ZNF717: variants seen among roughly 807,000 people sequenced by gnomAD.
ZNF717 encodes krueppel-like factor X17.
ZNF717 carries 9 observed loss-of-function variants against 13.8 expected under a neutral mutation model. The observed-to-expected ratio is 0.65, with a 90% CI of 0.39 to 1.14. ZNF717 has a LOEUF of 1.14. Among genes scored for constraint, ZNF717 ranks in the 50% most tolerant of loss-of-function variants. The pLI is 0.01. For synonymous variants in ZNF717, 327 were observed against 364.1 expected, an observed-to-expected ratio of 0.90 and a Z score of 1.16; for missense variants, 1,040 against 1,080.7, an observed-to-expected ratio of 0.96 and a Z score of 0.53.
At chr3:75,746,833 G>A (rs370189446) in intron 2 of ZNF717, among the ~76,000 whole-genome samples, 1 of 151,970 alleles carries the variant, frequency 6.6e-6, no homozygotes, top group African/African-American at 2.4e-5. Flanking sequence ...TGTTCACTCT[G>A]ATGTCTTTTG....
At chr3:75,715,511 T>C (rs1469811020) in intron 5 of ZNF717, among the ~76,000 whole-genome samples, 4 of 152,244 alleles carry the variant, frequency 2.6e-5, no homozygotes, top group Admixed American at 6.5e-5. Context: ...TCTAGTTATT[T>C]TTCTCTTATA....
chr3:75,757,485 C>T (rs1942595121), intron 2 of ZNF717, among the ~76,000 whole-genome samples: 1 of 152,202 alleles, frequency 6.6e-6, no homozygotes, highest in Non-Finnish European at 1.5e-5. Context: ...CTGTTGACAC[C>T]TACTGCTCAA....
chr3:75,727,321 AAC>A (rs1309432909), downstream of ZNF717, among the ~76,000 whole-genome samples: 1 of 152,232 alleles, frequency 6.6e-6, no homozygotes, highest in African/African-American at 2.4e-5. Context: ...AGAACAGAAT[AAC>A]AGCGATTTTC....
chr3:75,759,885 A>G (rs555846254), intron 2 of ZNF717, among the ~76,000 whole-genome samples: 32 of 152,258 alleles, frequency 2.1e-4, no homozygotes, highest in Middle Eastern at 3.4e-3. Context: ...AAATATATAT[A>G]ATTAAAAATT....
intron 2 of ZNF717, among the ~76,000 whole-genome samples, chr3:75,742,961 TC>T (rs1176881759): frequency 2.0e-5 from 3 of 151,096 alleles, no homozygotes; most frequent in Admixed American, 1.3e-4. Context: ...ATCACAATAG[TC>T]CCATAAGATG....
At chr3:75,747,964 A>G (rs1941334338) in intron 2 of ZNF717, among the ~76,000 whole-genome samples, 1 of 152,208 alleles carries the variant, frequency 6.6e-6, no homozygotes, top group Admixed American at 6.5e-5. Context: ...ATAAAGAAGA[A>G]AAGAGAGAAG....
chr3:75,757,797 A>T (rs1474468868), intron 2 of ZNF717, among the ~76,000 whole-genome samples: 2 of 152,078 alleles, frequency 1.3e-5, no homozygotes, highest in East Asian at 1.9e-4. Context: ...ATGATTTAAT[A>T]AAGAAGATCA....
chr3:75,749,778 T>G (rs1436134916), intron 2 of ZNF717, among the ~76,000 whole-genome samples: 1 of 151,524 alleles, frequency 6.6e-6, no homozygotes, highest in Non-Finnish European at 1.5e-5. Flanking sequence ...GGAGTCTGAA[T>G]GTTGATACCT....
intron 5 of ZNF717, among the ~76,000 whole-genome samples, chr3:75,714,371 T>C (rs1375070399): frequency 2.6e-5 from 4 of 151,844 alleles, no homozygotes; most frequent in Non-Finnish European, 5.9e-5. Context: ...GCCCTTGTCT[T>C]CTGGTAACTT....
At chr3:75,781,774 T>A (rs1482721818) in intron 2 of ZNF717, among the ~76,000 whole-genome samples, 2 of 152,176 alleles carry the variant, frequency 1.3e-5, no homozygotes, top group African/African-American at 4.8e-5. Context: ...CCCAGCAATT[T>A]ACTCAGAGAT....
chr3:75,781,430 G>A (rs7433930), intron 2 of ZNF717, among the ~76,000 whole-genome samples: 49,385 of 152,030 alleles, frequency 0.32, 9,248 homozygotes, highest in Non-Finnish European at 0.43. Context: ...TTCATGAATC[G>A]TTTATTGCTC....
rs749929182 is a variant in ZNF717, at chr3:75,783,323, C to G, written c.40G>C (p.Glu14Gln). 153 of 1,551,184 alleles carry G rather than the reference C, an allele frequency of 9.9e-5. No homozygotes were observed. The highest frequency in any genetic ancestry group is 1.3e-4 in the Non-Finnish European group (144 of 1,146,586). The part of the protein sequence containing the change: ...VFSGCFQELQ[E>Q]KNKSLELVSF... ...CAACTCACCAGAGATTTATTCTTTT[C>G]TTGTAGCTCTTGGAAACAGCCAGAG... Residue 14 changes from glutamate (E) to glutamine (Q), a missense_variant, in exon 2 of 5, where the codon GAA becomes CAA. By Grantham distance (29) the Glu-to-Gln change is conservative. Coordinates refer to ENST00000652011, the MANE Select transcript of ZNF717 (RefSeq NM_001290208.3).
chr3:75,741,737 C>G lies in ZNF717; in HGVS notation c.58-1G>C, dbSNP rs756832778. 1.3e-6 allele frequency: 2 copies of G among 1,574,566 alleles called. No homozygotes were observed. The highest frequency in any genetic ancestry group is 3.9e-5 in the Admixed American group (2 of 51,408). On this transcript the variant is annotated splice_acceptor_variant, in intron 2 of 4. Coordinates refer to ENST00000652011, the MANE Select transcript of ZNF717 (RefSeq NM_001290208.3). LOFTEE classifies it high-confidence loss of function. ...CTACCTCCTCAAAGGACACCAACTC[C>G]TGTAATGATACCAGGCTGTTGTAGG...
intron 5 of ZNF717, among the ~76,000 whole-genome samples, chr3:75,711,980 AG>A (rs1937948100): frequency 1.3e-5 from 2 of 152,282 alleles, no homozygotes. Flanking sequence ...ACATCACATC[AG>A]GACAATCAGA....
At chr3:75,728,433 T>A (rs1938340247), downstream of ZNF717, among the ~76,000 whole-genome samples, 2 of 152,234 alleles carry the variant, frequency 1.3e-5, no homozygotes, top group African/African-American at 2.4e-5. Flanking sequence ...AATACAGTTT[T>A]CATGTAAGAC....
rs79442558 is a variant in ZNF717 at position 75,736,766 on chromosome 3, A to C, written c.*112T>G. 1 of 1,190,238 alleles carries C rather than the reference A, an allele frequency of 8.4e-7. No homozygotes were observed. The highest frequency in any genetic ancestry group is 1.7e-5 in the South Asian group (1 of 58,860). The allele number at this position is 1,190,238 out of a possible 1,614,324, so 73.7% of individuals were successfully genotyped here. ...TAGGACTTCTGTTACAGCATGGTTA[A>C]GACCTTCTTGTTGGTAGGCCAGGAG... is the stretch of plus-strand genomic sequence containing the variant. On this transcript the variant is annotated 3_prime_UTR_variant, in exon 5 of 5. Coordinates refer to ENST00000652011, the MANE Select transcript of ZNF717 (RefSeq NM_001290208.3).
At chr3:75,775,264 T>C (rs1944221923) in intron 2 of ZNF717, among the ~76,000 whole-genome samples, 1 of 152,240 alleles carries the variant, frequency 6.6e-6, no homozygotes, top group East Asian at 1.9e-4. Flanking sequence ...ACATCCACCC[T>C]AATTATGGTT....
intron 2 of ZNF717, among the ~76,000 whole-genome samples, chr3:75,759,681 G>A (rs1200086285): frequency 3.9e-5 from 6 of 152,170 alleles, no homozygotes; most frequent in Admixed American, 3.3e-4. Flanking sequence ...CAATTCTCCC[G>A]CCTCAGGCTC....
intron 2 of ZNF717, among the ~76,000 whole-genome samples, chr3:75,768,850 G>A (rs777155178): frequency 7.9e-5 from 12 of 151,992 alleles, no homozygotes; most frequent in Non-Finnish European, 1.5e-4. Context: ...ACAGATGACA[G>A]GCCACCACAA....
Sources: allele counts gnomAD v4.1 joint callset (sites outside exome capture counted in the v4.1 genomes callset), GRCh38; gene constraint gnomAD v4.1.1; transcripts MANE v1.5; gene names NCBI Gene and HGNC (gene_info 2026-07-23, HGNC 2026-07-21).